GABRR1: variants seen among roughly 807,000 people sequenced by gnomAD.
GABRR1 encodes gamma-aminobutyric acid receptor subunit rho-1.
In GABRR1, 59 loss-of-function variants were observed where a neutral mutation model predicts 55.5. That is an observed-to-expected ratio of 1.06 (90% confidence interval 0.86 to 1.32). The LOEUF is 1.32. Ranked by LOEUF, GABRR1 falls within the 40% of genes most tolerant of loss-of-function variation. The pLI is 0.00. For synonymous variants in GABRR1, 213 were observed against 226.0 expected (o/e 0.94, Z 0.51); for missense variants, 602 against 619.1 (o/e 0.97, Z 0.29).
In GABRR1 at chr6:89,178,412, G is replaced by C. The variant is rs1582368611; in HGVS notation, c.*358C>G. The C allele has an allele frequency of 3.9e-6, 1 of 258,716 alleles. No homozygotes were observed. The highest frequency in any genetic ancestry group is 1.4e-3 in the Middle Eastern group (1 of 714). 16.0% of individuals were successfully genotyped at this position (258,716 alleles called of 1,614,324 possible). ...CCTGAACAATGTAATGACACTTGAG[G>C]AAAATAAATTATTCATGTGAATAGC... On this transcript the variant is annotated 3_prime_UTR_variant, in exon 10 of 10. Transcript: ENST00000454853.
chr6:89,222,609 C>T (rs1188312683), intron 1 of GABRR1, among the ~76,000 whole-genome samples: 1 of 152,152 alleles, frequency 6.6e-6, no homozygotes, highest in Non-Finnish European at 1.5e-5. Flanking sequence ...TTTTAATGCC[C>T]ATCTGTAATG....
At chr6:89,191,283 G>T (rs1055958019) in intron 5 of GABRR1, among the ~76,000 whole-genome samples, 2 of 152,206 alleles carry the variant, frequency 1.3e-5, no homozygotes, top group African/African-American at 4.8e-5. Context: ...GAATGTTAGA[G>T]TGCAGAGGTC....
chr6:89,203,351 G>T lies in GABRR1; in HGVS notation c.173+84C>A, dbSNP rs1478815061. ...TTTCTGATCCTTGGTGAGGGGTCGG[G>T]GAGGGGCCCTGCTGAAAATCACTAC... On this transcript the variant is annotated intron_variant, in intron 2 of 9. Transcript: ENST00000454853. The T allele has an allele frequency of 3.3e-6, 4 of 1,218,430 alleles. No homozygotes were observed. In the East Asian group the frequency reaches 9.3e-5, roughly 28 times the overall value. 75.5% of individuals were successfully genotyped at this position (1,218,430 alleles called of 1,614,324 possible). A position where few individuals can be genotyped will look rare whatever the true frequency, so the allele number is the denominator to read the frequency against.
chr6:89,214,931 G>T (rs1158277453), intron 1 of GABRR1, among the ~76,000 whole-genome samples: 2 of 152,190 alleles, frequency 1.3e-5, no homozygotes, highest in African/African-American at 4.8e-5. Flanking sequence ...AGAAGCTGAG[G>T]TGGGAGGATC....
rs2127787824 is a variant in GABRR1, at chr6:89,179,009, A to G, written c.1201T>C (p.Tyr401His). 6.2e-7 allele frequency: 1 copy of G among 1,614,110 alleles called. No individual in the cohort carries two copies. Among genetic ancestry groups the G allele is most frequent in the African/African-American group, 1.3e-5 (1 of 75,012 alleles). ...PPRTAMLDGN[Y>H]SDGEVNDLDN... ...AGGTCATTCACCTCCCCATCACTGTAGTTGCCGTCCAGCATCGCAGTGCGG... is the reference window on the plus strand; with the variant it reads ...AGGTCATTCACCTCCCCATCACTGTGGTTGCCGTCCAGCATCGCAGTGCGG... Residue 401 changes from tyrosine (Y) to histidine (H), a missense_variant, in exon 10 of 10, where the codon TAC becomes CAC. Coordinates refer to ENST00000454853, the MANE Select transcript of GABRR1 (RefSeq NM_002042.5).
chr6:89,218,792 G>T (rs190244648), upstream of GABRR1, among the ~76,000 whole-genome samples: 32 of 152,326 alleles, frequency 2.1e-4, no homozygotes, highest in Admixed American at 1.8e-3. Flanking sequence ...GAAACCTGAC[G>T]TAGGTCCAGT....
intron 1 of GABRR1, among the ~76,000 whole-genome samples, chr6:89,213,429 G>T (rs969337626): frequency 6.6e-6 from 1 of 152,212 alleles, no homozygotes; most frequent in Non-Finnish European, 1.5e-5. Context: ...ATTCTGGAAA[G>T]AAATTTGCCC....
chr6:89,208,644 C>T (rs573360704), intron 1 of GABRR1, among the ~76,000 whole-genome samples: 1 of 152,360 alleles, frequency 6.6e-6, no homozygotes, highest in East Asian at 1.9e-4. Context: ...TTCCAGACTG[C>T]CTTCCTACTC....
At chr6:89,209,857 A>G (rs914947490) in intron 1 of GABRR1, among the ~76,000 whole-genome samples, 2 of 152,304 alleles carry the variant, frequency 1.3e-5, no homozygotes, top group African/African-American at 4.8e-5. Context: ...TGGGGGGAAT[A>G]ATACTAACTT....
At chr6:89,224,069 TTTTG>T (rs1223439907) in intron 1 of GABRR1, among the ~76,000 whole-genome samples, 1 of 144,402 alleles carries the variant, frequency 6.9e-6, no homozygotes, top group Non-Finnish European at 1.5e-5. Flanking sequence ...CCGCCAGGGG[TTTTG>T]TTTGTTTGTT....
chr6:89,219,771 CTATA>C (rs200241112), upstream of GABRR1, among the ~76,000 whole-genome samples: 2,638 of 152,258 alleles, frequency 0.017, 39 homozygotes, highest in Middle Eastern at 0.031. Flanking sequence ...GTATAAATCT[CTATA>C]AATCAAGCCC....
rs1771605657 is a variant in GABRR1 at position 89,178,382 on chromosome 6, C to CT, written c.*387_*388insA. ...TGGCCTGTAGGTGCTTCCAAGTTCA[C>CT]GTAGCCTGAACAATGTAATGACACT... is the stretch of plus-strand genomic sequence containing the variant. On this transcript the variant is annotated 3_prime_UTR_variant, in exon 10 of 10. Transcript: ENST00000454853. The CT allele has an allele frequency of 4.9e-6, 1 of 203,314 alleles. No individual in the cohort carries two copies. The highest frequency in any genetic ancestry group is 1.0e-5 in the Non-Finnish European group (1 of 99,218). The allele number at this position is 203,314 out of a possible 1,614,324, so 12.6% of individuals were successfully genotyped here. A position where few individuals can be genotyped will look rare whatever the true frequency, so the allele number is the denominator to read the frequency against.
intron 8 of GABRR1, among the ~76,000 whole-genome samples, chr6:89,181,590 G>C (rs1050451553): frequency 2.0e-5 from 3 of 152,088 alleles, no homozygotes; most frequent in Non-Finnish European, 4.4e-5. Flanking sequence ...GAGAAACACT[G>C]TTGTAGGATA....
intron 4 of GABRR1, among the ~76,000 whole-genome samples, chr6:89,198,976 C>T (rs868046343): frequency 1.2e-4 from 18 of 149,352 alleles, no homozygotes; most frequent in Middle Eastern, 3.4e-3. Context: ...AAAAAGGGGG[C>T]GGGCGGGGGG....
At chr6:89,224,049 C>G (rs555757187) in intron 1 of GABRR1, among the ~76,000 whole-genome samples, 1 of 151,670 alleles carries the variant, frequency 6.6e-6, no homozygotes, top group African/African-American at 2.4e-5. Context: ...GCATGAGCCA[C>G]CACGCCTGGC....
At chr6:89,199,217 TC>T in intron 4 of GABRR1, 144 bp downstream of exon 4, 1 of 735,668 alleles carries the variant, frequency 1.4e-6, no homozygotes. Flanking sequence ...GGGCAAATCT[TC>T]CTGAGCCATC....
At chr6:89,218,754 G>A (rs1309353041), upstream of GABRR1, among the ~76,000 whole-genome samples, 1 of 152,172 alleles carries the variant, frequency 6.6e-6, no homozygotes, top group African/African-American at 2.4e-5. Flanking sequence ...CTGTACTTAC[G>A]GAACCAATGC....
intron 8 of GABRR1, 112 bp downstream of exon 8, chr6:89,181,793 A>C: frequency 9.1e-7 from 1 of 1,100,986 alleles, no homozygotes; most frequent in Non-Finnish European, 1.3e-6. Context: ...TTTCCAAGTC[A>C]TAACGCCAAA....
chr6:89,189,643 C>G (rs909017077), intron 6 of GABRR1, among the ~76,000 whole-genome samples: 3 of 149,860 alleles, frequency 2.0e-5, no homozygotes, highest in Admixed American at 2.0e-4. Context: ...CACATGTACC[C>G]TAAAACTTAA....
Sources: gnomAD v4.1 joint callset for allele counts (sites outside exome capture counted in the v4.1 genomes callset) on GRCh38, gnomAD v4.1.1 for gene constraint, MANE v1.5 for transcripts, NCBI Gene and HGNC (gene_info 2026-07-23, HGNC 2026-07-21) for gene names.